The following FXYD7 variants were observed in gnomAD, a reference collection of about 807,000 sequenced individuals.
FXYD7 encodes the protein FXYD domain containing ion transport regulator 7, also known as FXYD domain-containing ion transport regulator 7.
In FXYD7, 7 loss-of-function variants were observed where a neutral mutation model predicts 15.3. That is an observed-to-expected ratio of 0.46 (90% CI 0.26 to 0.86). The LOEUF (loss-of-function observed/expected upper bound fraction) is 0.86, where lower values mean the gene tolerates loss of function less well. FXYD7 is among the 40% of genes least tolerant of loss of function. The probability of loss-of-function intolerance (pLI) is 0.16; values close to 1 mark genes in which losing one functional copy is unlikely to be tolerated. For missense variants in FXYD7, 78 were observed against 100.6 expected (o/e 0.78, Z 0.96); for synonymous variants, 39 against 39.3 (o/e 0.99, Z 0.03).
chr19:35,151,704 G>C (rs770789018), intron 5 of FXYD7, 31 bp downstream of exon 5: 1 of 1,475,260 alleles, frequency 6.8e-7, no homozygotes, highest in Non-Finnish European at 9.2e-7. Context: ...GGTTCTGGGA[G>C]AGTTTTAGGT....
intron 2 of FXYD7, among the ~76,000 whole-genome samples, chr19:35,150,612 G>A: frequency 6.6e-6 from 1 of 152,168 alleles, no homozygotes; most frequent in South Asian, 2.1e-4. Flanking sequence ...CTTTCAGGCT[G>A]CAGGAACAGC....
chr19:35,148,023 G>GA (rs2065294719), intron 1 of FXYD7, among the ~76,000 whole-genome samples: 1 of 93,878 alleles, frequency 1.1e-5, no homozygotes, highest in African/African-American at 4.3e-5. Context: ...AAAGAAGAAA[G>GA]AAGGAAAGAA....
intron 2 of FXYD7, among the ~76,000 whole-genome samples, chr19:35,149,918 A>G (rs1347309075): frequency 6.6e-6 from 1 of 151,312 alleles, no homozygotes; most frequent in Non-Finnish European, 1.5e-5. Context: ...TATGATCGTG[A>G]TTTTTTTTTC....
chr19:35,151,789 C>G lies in FXYD7; in HGVS notation c.220+116C>G. On this transcript the variant is annotated intron_variant, in intron 5 of 5. Transcript: ENST00000270310. ...CGCAGGGGGCGGAGGGGGGGTGGTG[C>G]CTGCAGATATCACAGGACAATTCCC... is the stretch of plus-strand genomic sequence containing the variant. 6.5e-6 allele frequency: 5 copies of G among 773,770 alleles called. No individual in the cohort carries two copies. The South Asian group carries it at 6.9e-5, about 11-fold the overall frequency. 47.9% of individuals were successfully genotyped at this position (773,770 alleles called of 1,614,324 possible). A position where few individuals can be genotyped will look rare whatever the true frequency, so the allele number is the denominator to read the frequency against.
intron 5 of FXYD7, among the ~76,000 whole-genome samples, chr19:35,153,033 C>CTTTGTTTTGTTTTTTTTTTTTTTT (rs1555737607): frequency 2.3e-5 from 1 of 44,142 alleles, no homozygotes; most frequent in Non-Finnish European, 3.9e-5. Context: ...TTTCACGTTC[C>CTTTGTTTTGTTTTTTTTTTTTTTT]TTTTTTTTTT....
At chr19:35,145,707 A>C (rs986500073) in intron 1 of FXYD7, among the ~76,000 whole-genome samples, 9 of 152,218 alleles carry the variant, frequency 5.9e-5, no homozygotes, top group Non-Finnish European at 1.2e-4. Context: ...TACTACCGTC[A>C]CAATTTTTGC....
intron 1 of FXYD7, among the ~76,000 whole-genome samples, chr19:35,147,495 G>A (rs28661926): frequency 0.11 from 16,539 of 152,206 alleles, 902 homozygotes; most frequent in African/African-American, 0.13. Context: ...TAGGGTCCAG[G>A]AAGGTGGGAA....
Position 35,153,995 on chromosome 19 carries a change from A to C in FXYD7, c.*79A>C. On this transcript the variant is annotated 3_prime_UTR_variant, in exon 6 of 6. Transcript: ENST00000270310. ...GACCGGGTGGAGGCGGTGGGGACCC[A>C]GCCGCGCGCCGGGAGCGCTCCCCGG... 7.0e-7 allele frequency: 1 copy of C among 1,430,022 alleles called. No individual in the cohort carries two copies. The highest frequency in any genetic ancestry group is 9.7e-7 in the Non-Finnish European group (1 of 1,025,650). 88.6% of individuals were successfully genotyped at this position (1,430,022 alleles called of 1,614,324 possible).
In FXYD7 at chr19:35,148,686, T is replaced by C. The variant is rs1215299242; in HGVS notation, c.32-8T>C. The C allele has an allele frequency of 3.2e-6, 5 of 1,553,496 alleles. No individual in the cohort carries two copies. The highest frequency in any genetic ancestry group is 4.3e-6 in the Non-Finnish European group (5 of 1,150,096). ...TTCTTTCTCTTTTTCTCTGCTTCTT[T>C]CCCTCAGCTCCTGAGGAACCTGACC... On this transcript the variant is annotated splice_region_variant and splice_polypyrimidine_tract_variant and intron_variant, in intron 1 of 5. Coordinates refer to ENST00000270310, the MANE Select transcript of FXYD7 (RefSeq NM_022006.2).
Position 35,148,051 on chromosome 19 carries a change from GAAAGAA to G in FXYD7, c.32-641_32-636del, listed in dbSNP as rs1345988890. ...GGAAAGAAAGAAAGAAAGAAAGAAAGAAAGAAAGAAAGAAAGAAAGAAAGAAAGAAA... is the reference window on the plus strand; with the variant it reads ...GGAAAGAAAGAAAGAAAGAAAGAAAGAGAAAGAAAGAAAGAAAGAAAGAAA... On this transcript the variant is annotated intron_variant, in intron 1 of 5. Transcript: ENST00000270310. Among the ~76,000 whole-genome samples, 86 of 101,960 alleles carry G rather than the reference GAAAGAA, an allele frequency of 8.4e-4. 2 individuals carry two copies. Among genetic ancestry groups the G allele is most frequent in the African/African-American group, 3.7e-3 (85 of 22,842 alleles). 66.9% of individuals were successfully genotyped at this position (101,960 alleles called of 152,430 possible). A position where few individuals can be genotyped will look rare whatever the true frequency, so the allele number is the denominator to read the frequency against.
rs115934750 is a variant in FXYD7 at position 35,145,749 on chromosome 19, T to C, written c.31+2385T>C. ...CAAATATTCCTCACACTGCTATTTA[T>C]TTAATTTTTTTCCTTAAAAGGATTA... On this transcript the variant is annotated intron_variant, in intron 1 of 5. Coordinates refer to ENST00000270310, the MANE Select transcript of FXYD7 (RefSeq NM_022006.2). 4.2e-3 allele frequency among the ~76,000 whole-genome samples: 642 copies of C among 152,314 alleles called. 5 individuals carry two copies. The highest frequency in any genetic ancestry group is 0.014 in the African/African-American group (578 of 41,568).
chr19:35,151,764 C>A, intron 5 of FXYD7, 91 bp downstream of exon 5: 1 of 700,538 alleles, frequency 1.4e-6, no homozygotes, highest in Non-Finnish European at 2.6e-6. Context: ...ATGGACTGGA[C>A]GCAGGGGGCG....
In FXYD7 at chr19:35,143,406, A is replaced by G; in HGVS notation, c.31+42A>G. On this transcript the variant is annotated intron_variant, in intron 1 of 5. Transcript: ENST00000270310. This position sits in a 1 kb window ranked among gnomAD's most constrained non-coding sequence, Gnocchi z 4.3. ...GAGGGGGTTGCAGGGGGGCTCCGGG[A>G]TCTGAGAGCCTAGGAGAGAGGGTGT... The G allele has an allele frequency of 7.0e-7, 1 of 1,436,752 alleles. No homozygotes were observed. Among genetic ancestry groups the G allele is most frequent in the Non-Finnish European group, 9.3e-7 (1 of 1,075,300 alleles). 89.0% of individuals were successfully genotyped at this position (1,436,752 alleles called of 1,614,324 possible).
chr19:35,148,975 G>A (rs779593951), intron 2 of FXYD7: 50 of 641,026 alleles, frequency 7.8e-5, no homozygotes, highest in Middle Eastern at 2.5e-4. Flanking sequence ...CCTTGGTGTC[G>A]CCAGAGAAGC....
chr19:35,151,766 C>CTGGGGGGGGTTGGG, intron 5 of FXYD7, 93 bp downstream of exon 5: 1 of 754,934 alleles, frequency 1.3e-6, no homozygotes, highest in East Asian at 2.7e-5. Context: ...GGACTGGACG[C>CTGGGGGGGGTTGGG]AGGGGGCGGA....
intron 1 of FXYD7, among the ~76,000 whole-genome samples, chr19:35,148,083 GAA>G (rs1286927447): frequency 3.0e-4 from 37 of 123,948 alleles, no homozygotes; most frequent in East Asian, 8.5e-4. Flanking sequence ...AAGAAAGAAA[GAA>G]AGAAAGAAAG....
At chr19:35,144,210 G>C (rs1010085022) in intron 1 of FXYD7, among the ~76,000 whole-genome samples, 1 of 152,082 alleles carries the variant, frequency 6.6e-6, no homozygotes, top group Non-Finnish European at 1.5e-5. Flanking sequence ...CCACTGCAGT[G>C]AGACCCTATG....
chr19:35,153,903 G>A lies in FXYD7; in HGVS notation c.230G>A (p.Gly77Asp), dbSNP rs2065327205. The A allele has an allele frequency of 1.9e-6, 3 of 1,612,450 alleles. 1 individual carries two copies. In the South Asian group the frequency reaches 3.3e-5, roughly 18 times the overall value. ...CCCCCTCTCTCCCCAGCCCCTGGTG[G>A]CGGCGGCGTGTAACACCTTCCCGAG... ...KSELPSSAPG[G>D]GGV is the part of the protein sequence containing the mutation. The change falls in exon 6 of 6, where the codon GGC becomes GAC. Residue 77 changes from glycine (G) to aspartate (D), a missense_variant. Coordinates refer to ENST00000270310, the MANE Select transcript of FXYD7 (RefSeq NM_022006.2).
chr19:35,147,631 TAC>T (rs371278648), intron 1 of FXYD7, among the ~76,000 whole-genome samples: 1 of 151,740 alleles, frequency 6.6e-6, no homozygotes, highest in Non-Finnish European at 1.5e-5. Context: ...TATTTACACA[TAC>T]ACACACACAC....
Sources: allele counts gnomAD v4.1 joint callset (sites outside exome capture counted in the v4.1 genomes callset), GRCh38; gene constraint gnomAD v4.1.1; non-coding constraint Gnocchi (gnomAD v3.1); transcripts MANE v1.5; gene names NCBI Gene and HGNC (gene_info 2026-07-23, HGNC 2026-07-21).